HS3ST2: variants seen among roughly 807,000 people sequenced by gnomAD.
The protein encoded by HS3ST2 is heparan sulfate glucosamine 3-O-sulfotransferase 2.
In HS3ST2, 17 loss-of-function variants were observed where a neutral mutation model predicts 26.3. The observed-to-expected ratio is 0.65, with a 90% CI of 0.44 to 0.97. HS3ST2 has a LOEUF of 0.97. Ranked by LOEUF, HS3ST2 falls within the 50% of genes least tolerant of loss-of-function variation. The pLI, the probability that HS3ST2 is intolerant of heterozygous loss-of-function variation, is 0.00. For synonymous variants in HS3ST2, 237 were observed against 219.2 expected (o/e 1.08, Z -0.72); for missense variants, 402 against 501.2 (o/e 0.80, Z 1.89).
chr16:22,820,615 C>T (rs1037545262), intron 1 of HS3ST2, among the ~76,000 whole-genome samples: 1 of 152,254 alleles, frequency 6.6e-6, no homozygotes, highest in Non-Finnish European at 1.5e-5. Flanking sequence ...GACTTATTCA[C>T]CATCACGAGA....
At chr16:22,906,356 C>T (rs1040901922) in intron 1 of HS3ST2, among the ~76,000 whole-genome samples, 4 of 29,902 alleles carry the variant, frequency 1.3e-4, no homozygotes, top group East Asian at 4.6e-3. Flanking sequence ...GGCGACAGAG[C>T]GAGACTCCAT....
chr16:22,892,593 T>C lies in HS3ST2; in HGVS notation c.486-22351T>C, dbSNP rs1902145991. On this transcript the variant is annotated intron_variant, in intron 1 of 1. Coordinates refer to ENST00000261374, the MANE Select transcript of HS3ST2 (RefSeq NM_006043.2). The stretch of plus-strand genomic sequence containing the variant: ...ATATTAGTATTATGTTACACTTAGG[T>C]TGTTTCTATTATTTCACCACTTTAA... 2.6e-5 allele frequency among the ~76,000 whole-genome samples: 4 copies of C among 152,304 alleles called. No individual in the cohort carries two copies. In the South Asian group the frequency reaches 8.3e-4, roughly 32 times the overall value.
intron 1 of HS3ST2, among the ~76,000 whole-genome samples, chr16:22,846,995 T>A (rs1901442736): frequency 6.6e-6 from 1 of 152,076 alleles, no homozygotes; most frequent in Admixed American, 6.6e-5. Flanking sequence ...AACTTTTATT[T>A]TAGGTTAGGG....
intron 1 of HS3ST2, among the ~76,000 whole-genome samples, chr16:22,905,537 A>G (rs1020107625): frequency 1.3e-5 from 2 of 152,022 alleles, no homozygotes; most frequent in South Asian, 2.1e-4. Flanking sequence ...TATCTTCACC[A>G]GTACAAACAA....
intron 1 of HS3ST2, among the ~76,000 whole-genome samples, chr16:22,884,677 T>TTATATATATATATATATTA (rs71901649): frequency 1.4e-5 from 2 of 138,314 alleles, no homozygotes; most frequent in African/African-American, 5.2e-5. Flanking sequence ...TATATATATA[T>TTATATATATATATATATTA]TATATATATA....
intron 1 of HS3ST2, among the ~76,000 whole-genome samples, chr16:22,893,634 C>CTTTTTTTTTTTTTTTTTATTT (rs56664558): frequency 7.7e-6 from 1 of 130,272 alleles, no homozygotes; most frequent in Non-Finnish European, 1.6e-5. Context: ...TTTTTCTTTT[C>CTTTTTTTTTTTTTTTTTATTT]TTTTTTTTTT....
rs555444161 is a variant in HS3ST2, at chr16:22,837,566, C to CAT, written c.485+22483_485+22484dup. ...ATATGTATATATATGTATATATATACATATATATATATACACACACACACG... is the reference window on the plus strand; with the variant it reads ...ATATGTATATATATGTATATATATACATATATATATATATACACACACACACG... On this transcript the variant is annotated intron_variant, in intron 1 of 1. Coordinates refer to ENST00000261374, the MANE Select transcript of HS3ST2 (RefSeq NM_006043.2). 1.4e-3 allele frequency among the ~76,000 whole-genome samples: 191 copies of CAT among 133,998 alleles called. 1 individual carries two copies. The highest frequency in any genetic ancestry group is 3.1e-3 in the African/African-American group (116 of 36,960). 87.9% of individuals were successfully genotyped at this position (133,998 alleles called of 152,430 possible).
intron 1 of HS3ST2, among the ~76,000 whole-genome samples, chr16:22,845,631 G>A (rs1045627765): frequency 2.0e-5 from 3 of 152,078 alleles, no homozygotes; most frequent in Admixed American, 6.5e-5. Flanking sequence ...GATTACAAGC[G>A]TGAGCCATGC....
intron 1 of HS3ST2, among the ~76,000 whole-genome samples, chr16:22,846,400 A>G (rs573512335): frequency 2.6e-5 from 4 of 152,210 alleles, no homozygotes; most frequent in African/African-American, 9.6e-5. Context: ...TCTCACCTCT[A>G]ATGCCTCCCT....
chr16:22,899,370 A>G lies in HS3ST2; in HGVS notation c.486-15574A>G, dbSNP rs199891178. Among the ~76,000 whole-genome samples, 12 of 152,276 alleles carry G rather than the reference A, an allele frequency of 7.9e-5. No individual in the cohort carries two copies. In the East Asian group the frequency reaches 2.3e-3, roughly 29 times the overall value. On this transcript the variant is annotated intron_variant, in intron 1 of 1. Transcript: ENST00000261374. ...AACGTTATGTGCTTAGTAGCAGGATATTGAGAGCACTACATTCTAATGGTT... is the reference window on the plus strand; with the variant it reads ...AACGTTATGTGCTTAGTAGCAGGATGTTGAGAGCACTACATTCTAATGGTT...
intron 1 of HS3ST2, among the ~76,000 whole-genome samples, chr16:22,870,312 A>T (rs1901816606): frequency 6.6e-6 from 1 of 152,088 alleles, no homozygotes; most frequent in African/African-American, 2.4e-5. Flanking sequence ...ATGTATCCAG[A>T]TATGACGACT....
chr16:22,828,340 G>A (rs907903424), intron 1 of HS3ST2, among the ~76,000 whole-genome samples: 7 of 152,194 alleles, frequency 4.6e-5, no homozygotes, highest in African/African-American at 1.4e-4. Context: ...CTCAATGGGA[G>A]CCACCCTGCT....
intron 1 of HS3ST2, among the ~76,000 whole-genome samples, chr16:22,861,289 T>G (rs1054500871): frequency 3.9e-5 from 6 of 151,946 alleles, no homozygotes; most frequent in African/African-American, 1.5e-4. Context: ...GACTCTACAC[T>G]TGTGGGCCCA....
At chr16:22,853,549 A>G (rs1216086906) in intron 1 of HS3ST2, among the ~76,000 whole-genome samples, 1 of 151,846 alleles carries the variant, frequency 6.6e-6, no homozygotes, top group Non-Finnish European at 1.5e-5. Context: ...TCCTCCCCTC[A>G]CTCCCATGAT....
At chr16:22,870,001 T>A (rs1284545345) in intron 1 of HS3ST2, among the ~76,000 whole-genome samples, 1 of 152,116 alleles carries the variant, frequency 6.6e-6, no homozygotes. Flanking sequence ...GCAAACATAG[T>A]CTTAAATTCT....
chr16:22,835,579 C>T (rs1351593989), intron 1 of HS3ST2, among the ~76,000 whole-genome samples: 1 of 152,134 alleles, frequency 6.6e-6, no homozygotes, highest in Admixed American at 6.5e-5. Context: ...TCTTGCTTCA[C>T]GGAAGCAACA....
In HS3ST2 at chr16:22,832,151, C is replaced by CTTTTTTTTTTTT. The variant is rs71151684; in HGVS notation, c.485+17063_485+17074dup. On this transcript the variant is annotated intron_variant, in intron 1 of 1. Transcript: ENST00000261374. Reference sequence around the variant, plus strand: ...GCATGTGCTACCATCCCCAGCTGATCTTTTTTTTTTTTTTTTTTAATTTTT... The same window carrying CTTTTTTTTTTTT: ...GCATGTGCTACCATCCCCAGCTGATCTTTTTTTTTTTTTTTTTTTTTTTTTTTTTTAATTTTT... Among the ~76,000 whole-genome samples the CTTTTTTTTTTTT allele has an allele frequency of 9.1e-3, 1,048 of 115,110 alleles. 13 individuals carry two copies. The highest frequency in any genetic ancestry group is 0.034 in the East Asian group (130 of 3,820). The allele number at this position is 115,110 out of a possible 152,430, so 75.5% of individuals were successfully genotyped here. A position where few individuals can be genotyped will look rare whatever the true frequency, so the allele number is the denominator to read the frequency against.
At chr16:22,832,812 C>CACAGTTAT (rs1901194114) in intron 1 of HS3ST2, among the ~76,000 whole-genome samples, 1 of 151,500 alleles carries the variant, frequency 6.6e-6, no homozygotes, top group Non-Finnish European at 1.5e-5. Flanking sequence ...CAAGACAGTT[C>CACAGTTAT]ACAATCTACT....
intron 1 of HS3ST2, among the ~76,000 whole-genome samples, chr16:22,848,465 G>C (rs1476994036): frequency 6.6e-6 from 1 of 152,162 alleles, no homozygotes; most frequent in Non-Finnish European, 1.5e-5. Context: ...GTTCACCAGA[G>C]ACTGGAGCAG....
Sources: allele counts gnomAD v4.1 joint callset (sites outside exome capture counted in the v4.1 genomes callset), GRCh38; gene constraint gnomAD v4.1.1; transcripts MANE v1.5; gene names NCBI Gene and HGNC (gene_info 2026-07-23, HGNC 2026-07-21).